The following DNAAF11 variants were observed in gnomAD, a reference collection of about 807,000 sequenced individuals.
DNAAF11 encodes the protein leucine rich repeat containing 6.
DNAAF11 carries 45 observed loss-of-function variants against 60.8 expected under a neutral mutation model. That is an observed-to-expected ratio of 0.74 (90% CI 0.58 to 0.95). The LOEUF is 0.95. Among genes scored for constraint, DNAAF11 ranks in the 40% least tolerant of loss-of-function variants. DNAAF11 has a pLI of 0.00. For missense variants in DNAAF11, 546 were observed against 546.2 expected (o/e 1.00, Z 0.00); for synonymous variants, 191 against 183.5 (o/e 1.04, Z -0.33).
chr8:132,661,435 A>G (rs1461180150), intron 2 of DNAAF11, 25 bp downstream of exon 2: 2 of 1,573,976 alleles, frequency 1.3e-6, no homozygotes, highest in African/African-American at 2.7e-5. Context: ...TCAAGAAACC[A>G]TGAGAACTAA....
intron 3 of DNAAF11, among the ~76,000 whole-genome samples, chr8:132,640,276 A>ATCACCAT (rs1312641729): frequency 6.6e-6 from 1 of 152,070 alleles, no homozygotes; most frequent in African/African-American, 2.4e-5. Context: ...TATACCTTCA[A>ATCACCAT]TGGTGATATA....
At chr8:132,586,300 A>C (rs1815884026) in intron 10 of DNAAF11, among the ~76,000 whole-genome samples, 1 of 152,220 alleles carries the variant, frequency 6.6e-6, no homozygotes, top group African/African-American at 2.4e-5. Context: ...GTCTGGTGGA[A>C]ATGCTCTGTG....
chr8:132,663,829 A>G (rs1377756051), intron 1 of DNAAF11, among the ~76,000 whole-genome samples: 1 of 152,244 alleles, frequency 6.6e-6, no homozygotes, highest in Non-Finnish European at 1.5e-5. Context: ...CCATGACATC[A>G]GGTACATATC....
intron 1 of DNAAF11, 44 bp from the exon 2 acceptor site, chr8:132,661,671 T>C: frequency 1.9e-6 from 3 of 1,565,832 alleles, no homozygotes; most frequent in African/African-American, 2.7e-5. Context: ...TCCCCATTGT[T>C]CAATATAAGA....
In DNAAF11 at chr8:132,615,029, T is replaced by A. The variant is rs769060474; in HGVS notation, c.974+9A>T. ...ATGTCATAAATAAATACGTAGAAAA[T>A]GTCTTTACCTATAGACAGCAAGGTC... On this transcript the variant is annotated intron_variant, in intron 8 of 11. Coordinates refer to ENST00000620350, the MANE Select transcript of DNAAF11 (RefSeq NM_012472.6). The A allele has an allele frequency of 1.3e-6, 2 of 1,551,620 alleles. No individual in the cohort carries two copies. Among genetic ancestry groups the A allele is most frequent in the South Asian group, 1.2e-5 (1 of 85,976 alleles).
chr8:132,579,039 G>T (rs1490988008), intron 11 of DNAAF11, among the ~76,000 whole-genome samples: 1 of 152,222 alleles, frequency 6.6e-6, no homozygotes, highest in Non-Finnish European at 1.5e-5. Flanking sequence ...TGGGGCAGAG[G>T]AAAACTGAGT....
At chr8:132,574,924 C>G (rs1235139980) in intron 11 of DNAAF11, among the ~76,000 whole-genome samples, 1 of 152,108 alleles carries the variant, frequency 6.6e-6, no homozygotes, top group East Asian at 1.9e-4. Flanking sequence ...AATTAGGTAC[C>G]AAACACACAG....
At chr8:132,680,639 GACT>G in the DNAAF11 span, among the ~76,000 whole-genome samples, 1 of 151,928 alleles carries the variant, frequency 6.6e-6, no homozygotes, top group Non-Finnish European at 1.5e-5. Context: ...TTACCAGCAC[GACT>G]ACAAGTCTCA....
chr8:132,695,864 G>A, the DNAAF11 span, among the ~76,000 whole-genome samples: 1 of 152,152 alleles, frequency 6.6e-6, no homozygotes, highest in Admixed American at 6.6e-5. Flanking sequence ...AGATACAAGG[G>A]AATGATTTTA....
At chr8:132,576,035 A>G (rs528524906) in intron 11 of DNAAF11, among the ~76,000 whole-genome samples, 1 of 152,296 alleles carries the variant, frequency 6.6e-6, no homozygotes, top group Non-Finnish European at 1.5e-5. Context: ...TTTCGCTTTG[A>G]GATACTCAAG....
chr8:132,670,489 C>T (rs1825076103), intron 1 of DNAAF11, among the ~76,000 whole-genome samples: 2 of 152,042 alleles, frequency 1.3e-5, no homozygotes, highest in African/African-American at 4.8e-5. Context: ...CCTTTCTTTC[C>T]ACAAATAAAA....
chr8:132,583,778 A>T lies in DNAAF11; in HGVS notation c.1142T>A (p.Val381Glu), dbSNP rs1815588792. The T allele has an allele frequency of 1.2e-6, 2 of 1,610,730 alleles. No homozygotes were observed. The highest frequency in any genetic ancestry group is 2.7e-5 in the African/African-American group (2 of 74,934). The change falls in exon 11 of 12, where the codon GTA becomes GAA. Residue 381 changes from valine to glutamate, a missense_variant and splice_region_variant. By Grantham distance (121) the Val-to-Glu change is moderately radical. Transcript: ENST00000620350. ...CTGACCACCTGTGATTACTTCTCCTACCTAAAATAAAAATGAAACACACAC... is the reference window on the plus strand; with the variant it reads ...CTGACCACCTGTGATTACTTCTCCTTCCTAAAATAAAAATGAAACACACAC... ...TGHLVICMPK[V>E]GEVITGGQRA...
chr8:132,657,495 T>G (rs1823694802), intron 2 of DNAAF11, among the ~76,000 whole-genome samples: 1 of 152,070 alleles, frequency 6.6e-6, no homozygotes, highest in South Asian at 2.1e-4. Flanking sequence ...GACTCTGGAG[T>G]CTGCTCTACC....
At chr8:132,586,629 ACT>A (rs1815928955) in intron 10 of DNAAF11, among the ~76,000 whole-genome samples, 1 of 151,898 alleles carries the variant, frequency 6.6e-6, no homozygotes. Flanking sequence ...GGGACCTGTA[ACT>A]CTCATGTAAG....
At chr8:132,674,019 G>C (rs1450098138) in intron 1 of DNAAF11, among the ~76,000 whole-genome samples, 1 of 151,858 alleles carries the variant, frequency 6.6e-6, no homozygotes, top group Non-Finnish European at 1.5e-5. Context: ...GGAGAAGGAG[G>C]AGAAGGAGCA....
intron 5 of DNAAF11, among the ~76,000 whole-genome samples, chr8:132,628,730 T>C (rs965711586): frequency 2.0e-5 from 3 of 152,130 alleles, no homozygotes; most frequent in African/African-American, 4.8e-5. Context: ...ATAGGCTAAA[T>C]AGGGTGAGAA....
At chr8:132,638,713 G>C (rs985314727) in intron 3 of DNAAF11, among the ~76,000 whole-genome samples, 12 of 152,100 alleles carry the variant, frequency 7.9e-5, no homozygotes, top group African/African-American at 2.9e-4. Flanking sequence ...GATGTTCAAA[G>C]GAATAATAGA....
rs1471761808 is a variant in DNAAF11 at position 132,661,437 on chromosome 8, G to A, written c.178+23C>T. ...TCATTCACAATGTTCAAGAAACCAT[G>A]AGAACTAAGTACTGAAACTTACCAA... is the stretch of plus-strand genomic sequence containing the variant. On this transcript the variant is annotated intron_variant, in intron 2 of 11. Transcript: ENST00000620350. 8.9e-6 allele frequency: 14 copies of A among 1,576,166 alleles called. No individual in the cohort carries two copies. In the South Asian group the frequency reaches 1.5e-4, roughly 17 times the overall value.
rs1406091597 is a variant in DNAAF11 at position 132,571,226 on chromosome 8, T to C, written c.*1080A>G. On this transcript the variant is annotated 3_prime_UTR_variant, in exon 12 of 12. Coordinates refer to ENST00000620350, the MANE Select transcript of DNAAF11 (RefSeq NM_012472.6). ...TCACAGCTCTGAACACCACCTGACA[T>C]AGTCTGTGTGTATGTATTTGTCTGC... Among the ~76,000 whole-genome samples the C allele has an allele frequency of 1.3e-5, 2 of 152,154 alleles. No individual in the cohort carries two copies. The highest frequency in any genetic ancestry group is 2.9e-5 in the Non-Finnish European group (2 of 68,024).
Sources: gnomAD v4.1 joint callset for allele counts (sites outside exome capture counted in the v4.1 genomes callset) on GRCh38, gnomAD v4.1.1 for gene constraint, MANE v1.5 for transcripts, NCBI Gene and HGNC (gene_info 2026-07-23, HGNC 2026-07-21) for gene names.